The following GATAD2A variants were observed in gnomAD, a reference collection of about 807,000 sequenced individuals.
The protein encoded by GATAD2A is transcriptional repressor p66-alpha.
Under a neutral mutation model 68.5 loss-of-function variants are expected in GATAD2A, and 12 were observed. The observed-to-expected ratio is 0.18, with a 90% CI of 0.11 to 0.28. The LOEUF (loss-of-function observed/expected upper bound fraction) is 0.28, where lower values mean the gene tolerates loss of function less well. Among genes scored for constraint, GATAD2A ranks in the 10% least tolerant of loss-of-function variants. The pLI is 1.00. For synonymous variants in GATAD2A, 410 were observed against 375.3 expected (o/e 1.09, Z -1.07); for missense variants, 755 against 868.5 (o/e 0.87, Z 1.64).
chr19:19,465,966 T>A (rs1031459597), intron 2 of GATAD2A, among the ~76,000 whole-genome samples: 1 of 152,226 alleles, frequency 6.6e-6, no homozygotes, highest in Non-Finnish European at 1.5e-5. Context: ...TTGGTTATGC[T>A]TCCCTGCTTT....
chr19:19,492,569 T>TCG lies in GATAD2A; in HGVS notation c.403-10_403-9dup. On this transcript the variant is annotated splice_polypyrimidine_tract_variant and intron_variant, in intron 3 of 11. Transcript: ENST00000683918. ...ACGCTCCCTCTCAACCCTGTTCCTC[T>TCG]CGCCCCTGCAGAAAAGCAGTCCTGA... 3.1e-6 allele frequency: 5 copies of TCG among 1,614,150 alleles called. No homozygotes were observed. The highest frequency in any genetic ancestry group is 4.2e-6 in the Non-Finnish European group (5 of 1,179,996).
At chr19:19,502,155 C>A in intron 10 of GATAD2A, 112 bp downstream of exon 10, 1 of 918,306 alleles carries the variant, frequency 1.1e-6, no homozygotes, top group Non-Finnish European at 1.7e-6. Flanking sequence ...GTTTCTGTTT[C>A]ACTCTCTCCC....
intron 5 of GATAD2A, among the ~76,000 whole-genome samples, 181 bp downstream of exon 5, chr19:19,494,564 T>C (rs1416275042): frequency 6.6e-6 from 1 of 152,192 alleles, no homozygotes; most frequent in African/African-American, 2.4e-5. Context: ...ACGTGCACTT[T>C]CCAAGCCCCA....
chr19:19,457,869 A>G (rs1469969098), intron 1 of GATAD2A, among the ~76,000 whole-genome samples: 1 of 152,098 alleles, frequency 6.6e-6, no homozygotes, highest in African/African-American at 2.4e-5. Flanking sequence ...GCCAGACTTC[A>G]GTTGTGCCTG....
intron 1 of GATAD2A, among the ~76,000 whole-genome samples, chr19:19,461,779 T>G (rs1029753218): frequency 3.9e-5 from 6 of 152,222 alleles, no homozygotes; most frequent in Admixed American, 2.0e-4. Context: ...CAGTCCGGCC[T>G]GGGGTGTTTG....
chr19:19,398,702 C>CT (rs1347131415), intron 1 of GATAD2A, among the ~76,000 whole-genome samples: 1 of 151,892 alleles, frequency 6.6e-6, no homozygotes, highest in Non-Finnish European at 1.5e-5. Context: ...TTTTGGGAGG[C>CT]TGAGGTGGGT....
intron 1 of GATAD2A, among the ~76,000 whole-genome samples, chr19:19,426,587 TGCA>T (rs2097171137): frequency 6.6e-6 from 1 of 151,814 alleles, no homozygotes; most frequent in Non-Finnish European, 1.5e-5. Flanking sequence ...CTTGGCTCAC[TGCA>T]GCCTCCGCCT....
chr19:19,418,821 G>A (rs1475456820), intron 1 of GATAD2A, among the ~76,000 whole-genome samples: 1 of 152,146 alleles, frequency 6.6e-6, no homozygotes, highest in Non-Finnish European at 1.5e-5. Context: ...CTGGTTTTGA[G>A]AGTGGGGAGG....
At chr19:19,424,967 G>A (rs934403284) in intron 1 of GATAD2A, among the ~76,000 whole-genome samples, 2 of 151,670 alleles carry the variant, frequency 1.3e-5, no homozygotes, top group African/African-American at 4.8e-5. Flanking sequence ...TAAAAAAGGT[G>A]TGGTGCAGTC....
intron 1 of GATAD2A, among the ~76,000 whole-genome samples, chr19:19,427,305 T>C (rs2053211651): frequency 1.3e-5 from 2 of 152,146 alleles, no homozygotes; most frequent in South Asian, 4.1e-4. Context: ...TTTACCACAA[T>C]AAAAAAATGA....
chr19:19,499,958 C>T (rs925762231), intron 8 of GATAD2A, among the ~76,000 whole-genome samples: 3 of 152,204 alleles, frequency 2.0e-5, no homozygotes, highest in Non-Finnish European at 4.4e-5. Context: ...AAGGTGATGT[C>T]GGCAAAAGAG....
chr19:19,465,739 G>C, intron 2 of GATAD2A, 125 bp downstream of exon 2: 1 of 1,138,432 alleles, frequency 8.8e-7, no homozygotes, highest in Non-Finnish European at 1.2e-6. Context: ...AGGGCTGTAG[G>C]CTCAGCTCGG....
intron 1 of GATAD2A, among the ~76,000 whole-genome samples, chr19:19,421,747 G>C (rs2052443013): frequency 6.6e-6 from 1 of 152,166 alleles, no homozygotes; most frequent in Non-Finnish European, 1.5e-5. Context: ...GGGTGATGCA[G>C]GTAAAGTCTG....
intron 2 of GATAD2A, among the ~76,000 whole-genome samples, chr19:19,467,341 AC>A (rs1234371515): frequency 6.6e-6 from 1 of 152,136 alleles, no homozygotes; most frequent in Non-Finnish European, 1.5e-5. Flanking sequence ...GCGCCACTGT[AC>A]TTCAGCCTGG....
At chr19:19,414,571 T>A (rs2051349797) in intron 1 of GATAD2A, among the ~76,000 whole-genome samples, 2 of 131,074 alleles carry the variant, frequency 1.5e-5, no homozygotes. Context: ...AGAGTCTTGC[T>A]CCATTGTCCA....
In GATAD2A at chr19:19,504,285, A is replaced by G. The variant is rs186311837; in HGVS notation, c.1775-1059A>G. ...GGTGGGGGCATTTATTTATTTTCCAATTATAAAAATGATATTTGTCCATCA... is the reference window on the plus strand; with the variant it reads ...GGTGGGGGCATTTATTTATTTTCCAGTTATAAAAATGATATTTGTCCATCA... On this transcript the variant is annotated intron_variant, in intron 11 of 11. Transcript: ENST00000683918. Among the ~76,000 whole-genome samples the G allele has an allele frequency of 2.6e-5, 4 of 152,362 alleles. No individual in the cohort carries two copies. The East Asian group carries it at 7.7e-4, about 29-fold the overall frequency.
intron 2 of GATAD2A, among the ~76,000 whole-genome samples, chr19:19,467,670 T>C (rs2148047571): frequency 6.6e-6 from 1 of 152,328 alleles, no homozygotes; most frequent in South Asian, 2.1e-4. Context: ...TTTTCTTTCA[T>C]GCTAACTTAT....
At position 19,407,887 on chromosome 19, in the gene GATAD2A, CCTT is replaced by C. The variant is rs1377243905; in HGVS notation, c.-7+1870_-7+1872del. Among the ~76,000 whole-genome samples, 6 of 152,360 alleles carry C rather than the reference CCTT, an allele frequency of 3.9e-5. No individual in the cohort carries two copies. The East Asian group carries it at 1.2e-3, about 29-fold the overall frequency. Reference sequence around the variant, plus strand: ...TCTGTCTTCACTTATTCCCTCCCCTCCTTCATCTTTCAGTTCTTATTTGTCTCA... The same window carrying C: ...TCTGTCTTCACTTATTCCCTCCCCTCCATCTTTCAGTTCTTATTTGTCTCA... On this transcript the variant is annotated intron_variant, in intron 1 of 11. Coordinates refer to ENST00000683918, the MANE Select transcript of GATAD2A (RefSeq NM_001384528.1).
At position 19,455,926 on chromosome 19, in the gene GATAD2A, G is replaced by A. The variant is rs543465701; in HGVS notation, c.-6-9414G>A. On this transcript the variant is annotated intron_variant, in intron 1 of 11. Coordinates refer to ENST00000683918, the MANE Select transcript of GATAD2A (RefSeq NM_001384528.1). ...AGCACTTTGGGAGGCTGAGGCAGGC[G>A]GATCACGAGGTCAGGAGATCGAGAC... is the stretch of plus-strand genomic sequence containing the variant. Among the ~76,000 whole-genome samples the A allele has an allele frequency of 2.1e-3, 324 of 152,202 alleles. 1 individual carries two copies. The highest frequency in any genetic ancestry group is 7.5e-3 in the African/African-American group (313 of 41,508).
Sources: allele counts gnomAD v4.1 joint callset (sites outside exome capture counted in the v4.1 genomes callset), GRCh38; gene constraint gnomAD v4.1.1; transcripts MANE v1.5; gene names NCBI Gene and HGNC (gene_info 2026-07-23, HGNC 2026-07-21).